Variants in AK8 observed in about 807,000 individuals in gnomAD.
The protein encoded by AK8 is adenylate kinase 8, also known as ATP-AMP transphosphorylase 8.
Under a neutral mutation model 54.6 loss-of-function variants are expected in AK8, and 44 were observed. The observed-to-expected ratio is 0.81, with a 90% confidence interval of 0.63 to 1.04. The LOEUF (loss-of-function observed/expected upper bound fraction) is 1.04, where lower values mean the gene tolerates loss of function less well. Ranked by LOEUF, AK8 falls within the 50% of genes least tolerant of loss-of-function variation. The pLI, the probability that AK8 is intolerant of heterozygous loss-of-function variation, is 0.00. For missense variants in AK8, 555 were observed against 613.6 expected, an observed-to-expected ratio of 0.90 and a Z score of 1.01; for synonymous variants, 239 against 245.6, an observed-to-expected ratio of 0.97 and a Z score of 0.25.
At chr9:132,859,777 A>G (rs929523659) in intron 4 of AK8, among the ~76,000 whole-genome samples, 3 of 152,134 alleles carry the variant, frequency 2.0e-5, no homozygotes, top group African/African-American at 7.2e-5. Flanking sequence ...ACTCGGCTGA[A>G]AAGATGAATT....
rs768002553 is a variant in AK8, at chr9:132,878,233, T to C, written c.23A>G (p.His8Arg). The change falls in exon 1 of 13, where the codon CAC becomes CGC. Residue 8 changes from histidine to arginine, a missense_variant. Physicochemically the swap from His to Arg is conservative, Grantham distance 29. Transcript: ENST00000298545. This position sits in a 1 kb window ranked among gnomAD's most constrained non-coding sequence, Gnocchi z 4.7. ...CTGGGGCATCTCGGGGGGGATACGG[T>C]GCGGGGCGATAGTGGCGTCCATGTA... Reference protein sequence around the residue: MDATIAPHRIPPEMPQYG... With the variant: MDATIAPRRIPPEMPQYG... 7 of 1,433,724 alleles carry C rather than the reference T, an allele frequency of 4.9e-6. No individual in the cohort carries two copies. Among genetic ancestry groups the C allele is most frequent in the African/African-American group, 1.5e-5 (1 of 67,322 alleles). 88.8% of individuals were successfully genotyped at this position (1,433,724 alleles called of 1,614,324 possible). A position where few individuals can be genotyped will look rare whatever the true frequency, so the allele number is the denominator to read the frequency against.
chr9:132,792,385 G>A (rs1357792251), intron 11 of AK8, among the ~76,000 whole-genome samples: 1 of 152,226 alleles, frequency 6.6e-6, no homozygotes, highest in East Asian at 1.9e-4. Flanking sequence ...CCCCAAGGAA[G>A]GCAAGACTGG....
At chr9:132,805,864 A>G (rs558341205) in intron 10 of AK8, among the ~76,000 whole-genome samples, 2 of 152,210 alleles carry the variant, frequency 1.3e-5, no homozygotes, top group African/African-American at 2.4e-5. Context: ...GGAAAAGTCA[A>G]AAGTTTGACT....
At chr9:132,852,465 C>A (rs1002126048) in intron 5 of AK8, among the ~76,000 whole-genome samples, 4 of 151,936 alleles carry the variant, frequency 2.6e-5, no homozygotes, top group African/African-American at 9.7e-5. Context: ...AAAAAATTAG[C>A]CGGGTGTGGT....
At chr9:132,795,553 A>G (rs940895026) in intron 10 of AK8, among the ~76,000 whole-genome samples, 2 of 152,228 alleles carry the variant, frequency 1.3e-5, no homozygotes, top group South Asian at 2.1e-4. Flanking sequence ...TAATATTTAC[A>G]GATATTTTCA....
chr9:132,731,483 G>A (rs1226811126), intron 11 of AK8, among the ~76,000 whole-genome samples: 1 of 152,198 alleles, frequency 6.6e-6, no homozygotes, highest in Non-Finnish European at 1.5e-5. Flanking sequence ...TGTGTAATCA[G>A]CCAGGGTTCT....
At chr9:132,867,495 C>T (rs1226756233) in intron 2 of AK8, among the ~76,000 whole-genome samples, 1 of 152,246 alleles carries the variant, frequency 6.6e-6, no homozygotes, top group African/African-American at 2.4e-5. Flanking sequence ...AACACTGGCA[C>T]CTTGTTTGAT....
intron 11 of AK8, among the ~76,000 whole-genome samples, chr9:132,771,591 G>A (rs1245433080): frequency 6.6e-6 from 1 of 152,190 alleles, no homozygotes; most frequent in Non-Finnish European, 1.5e-5. Flanking sequence ...TGTGAAGGCA[G>A]AATGAAGGTA....
chr9:132,763,651 C>T (rs1324289421), intron 11 of AK8, among the ~76,000 whole-genome samples: 4 of 152,216 alleles, frequency 2.6e-5, no homozygotes, highest in African/African-American at 4.8e-5. Flanking sequence ...TTTTGTACCT[C>T]GTTTCCATCT....
chr9:132,774,261 T>G, intron 11 of AK8, among the ~76,000 whole-genome samples: 1 of 151,624 alleles, frequency 6.6e-6, no homozygotes, highest in African/African-American at 2.4e-5. Flanking sequence ...CTCCTGCTCA[T>G]GGGGGGGTTG....
intron 4 of AK8, among the ~76,000 whole-genome samples, chr9:132,862,852 A>G (rs1013974814): frequency 2.0e-5 from 3 of 152,032 alleles, no homozygotes; most frequent in Admixed American, 6.6e-5. Flanking sequence ...AGGAGACAAG[A>G]ATGGAGTGGT....
At chr9:132,871,310 CCT>C (rs1448864280) in intron 2 of AK8, among the ~76,000 whole-genome samples, 3 of 152,074 alleles carry the variant, frequency 2.0e-5, no homozygotes, top group Non-Finnish European at 4.4e-5. Flanking sequence ...GGTAGTCTCC[CCT>C]GTCTCCCTTC....
At chr9:132,742,197 T>C (rs965697501) in intron 11 of AK8, among the ~76,000 whole-genome samples, 1 of 146,618 alleles carries the variant, frequency 6.8e-6, no homozygotes, top group Non-Finnish European at 1.5e-5. Context: ...TTGAGAGAGA[T>C]AGAGTCTCAT....
intron 11 of AK8, among the ~76,000 whole-genome samples, chr9:132,736,968 C>T (rs1040600607): frequency 2.0e-5 from 3 of 151,660 alleles, no homozygotes; most frequent in Non-Finnish European, 4.4e-5. Context: ...CTTCCAGGGG[C>T]AGGGGGAAGG....
chr9:132,877,855 G>C, intron 1 of AK8: 1 of 610,358 alleles, frequency 1.6e-6, no homozygotes, highest in Non-Finnish European at 3.0e-6. Flanking sequence ...TTTCACAGGT[G>C]GGGAAACCGA....
At chr9:132,875,033 A>C (rs1339154238) in intron 2 of AK8, 82 bp downstream of exon 2, 32 of 1,542,858 alleles carry the variant, frequency 2.1e-5, no homozygotes, top group Middle Eastern at 1.7e-4. Flanking sequence ...GAGGAGGAGG[A>C]GGCAGAGGAG....
intron 10 of AK8, among the ~76,000 whole-genome samples, chr9:132,808,853 C>T (rs1480613118): frequency 6.6e-6 from 1 of 152,136 alleles, no homozygotes; most frequent in East Asian, 1.9e-4. Flanking sequence ...ACAGGCAGGG[C>T]GGAGTCCCCA....
intron 11 of AK8, among the ~76,000 whole-genome samples, chr9:132,767,585 T>C (rs1324915693): frequency 4.6e-5 from 7 of 152,192 alleles, no homozygotes; most frequent in Non-Finnish European, 1.5e-5. Flanking sequence ...TGTCATGTGA[T>C]CCCACAATTC....
intron 10 of AK8, among the ~76,000 whole-genome samples, chr9:132,805,564 C>T (rs1840681052): frequency 6.6e-6 from 1 of 152,164 alleles, no homozygotes; most frequent in Non-Finnish European, 1.5e-5. Context: ...GGGCTGCCTC[C>T]TGGCAAAGCA....
Sources: allele counts gnomAD v4.1 joint callset (sites outside exome capture counted in the v4.1 genomes callset), GRCh38; gene constraint gnomAD v4.1.1; non-coding constraint Gnocchi (gnomAD v3.1); transcripts MANE v1.5; gene names NCBI Gene and HGNC (gene_info 2026-07-23, HGNC 2026-07-21).